FAM81A: variants seen among roughly 807,000 people sequenced by gnomAD.
The protein encoded by FAM81A is protein FAM81A.
A neutral mutation model predicts 46.7 loss-of-function variants in FAM81A; 19 were observed. The observed-to-expected ratio is 0.41, with a 90% confidence interval of 0.28 to 0.60. FAM81A has a LOEUF of 0.60. Ranked by LOEUF, FAM81A falls within the 20% of genes least tolerant of loss-of-function variation. The pLI, the probability that FAM81A is intolerant of heterozygous loss-of-function variation, is 0.34. For missense variants in FAM81A, 377 were observed against 453.5 expected, an observed-to-expected ratio of 0.83 and a Z score of 1.53; for synonymous variants, 183 against 152.9, an observed-to-expected ratio of 1.20 and a Z score of -1.45.
chr15:59,458,410 T>C (rs1378700636), intron 1 of FAM81A, 140 bp from the exon 2 acceptor site: 10 of 605,726 alleles, frequency 1.7e-5, no homozygotes, highest in Non-Finnish European at 2.8e-5. Context: ...ATTTCATGTA[T>C]AAGATACAAA....
At chr15:59,515,743 C>G (rs2082259873) in intron 7 of FAM81A, among the ~76,000 whole-genome samples, 1 of 152,140 alleles carries the variant, frequency 6.6e-6, no homozygotes. Flanking sequence ...TACATTTGTA[C>G]TAATAATTCT....
intron 3 of FAM81A, among the ~76,000 whole-genome samples, chr15:59,486,251 T>G (rs2081915801): frequency 6.6e-6 from 1 of 151,928 alleles, no homozygotes. Context: ...AAAATGCTAG[T>G]GACATACTGA....
chr15:59,443,660 G>C (rs2081324775), intron 1 of FAM81A, among the ~76,000 whole-genome samples: 1 of 152,154 alleles, frequency 6.6e-6, no homozygotes, highest in South Asian at 2.1e-4. Context: ...TCTGTAACCA[G>C]AGCTTGAACA....
chr15:59,472,204 G>A (rs2081702738), intron 3 of FAM81A, among the ~76,000 whole-genome samples: 3 of 152,008 alleles, frequency 2.0e-5, no homozygotes, highest in Non-Finnish European at 2.9e-5. Context: ...GGCTGGGCGC[G>A]GTGGCTCATA....
intron 1 of FAM81A, among the ~76,000 whole-genome samples, chr15:59,455,131 G>GCTCAAGCCATCCACTTAC (rs1357669802): frequency 1.3e-5 from 2 of 151,134 alleles, no homozygotes; most frequent in Non-Finnish European, 2.9e-5. Context: ...AAACTCCTGA[G>GCTCAAGCCATCCACTTAC]CTCAAGCCAT....
intron 3 of FAM81A, among the ~76,000 whole-genome samples, chr15:59,483,258 C>G (rs1017440957): frequency 1.3e-5 from 2 of 151,980 alleles, no homozygotes; most frequent in Non-Finnish European, 2.9e-5. Context: ...AGGCTGGTCT[C>G]GAACTCCTGA....
At chr15:59,441,248 C>A (rs1281819074) in intron 1 of FAM81A, among the ~76,000 whole-genome samples, 1 of 152,222 alleles carries the variant, frequency 6.6e-6, no homozygotes, top group Admixed American at 6.5e-5. Context: ...CCAACCCTTA[C>A]TCCACCATAT....
intron 1 of FAM81A, among the ~76,000 whole-genome samples, chr15:59,454,406 A>G (rs2141624207): frequency 6.6e-6 from 1 of 152,306 alleles, no homozygotes; most frequent in East Asian, 1.9e-4. Flanking sequence ...CACATCACTT[A>G]TAAAACTATA....
At chr15:59,469,897 G>C (rs1175026864) in intron 3 of FAM81A, among the ~76,000 whole-genome samples, 1 of 152,130 alleles carries the variant, frequency 6.6e-6, no homozygotes, top group Non-Finnish European at 1.5e-5. Context: ...AGGAGCTCTT[G>C]TAAGGCAGAC....
chr15:59,488,697 C>G (rs1458990780), intron 3 of FAM81A, among the ~76,000 whole-genome samples: 2 of 152,186 alleles, frequency 1.3e-5, no homozygotes, highest in Non-Finnish European at 1.5e-5. Flanking sequence ...TAAATACTGG[C>G]CAGGTGCTGT....
At chr15:59,403,822 T>C (rs1380929672) in intron 2 of FAM81A, among the ~76,000 whole-genome samples, 1 of 152,178 alleles carries the variant, frequency 6.6e-6, no homozygotes, top group African/African-American at 2.4e-5. Context: ...ATAAACATTT[T>C]TTTTCAGTGT....
intron 3 of FAM81A, among the ~76,000 whole-genome samples, chr15:59,485,488 A>G (rs1399089278): frequency 2.0e-5 from 3 of 152,186 alleles, no homozygotes; most frequent in African/African-American, 7.2e-5. Context: ...ATCCAGAGAA[A>G]TCTTCTGGAT....
At chr15:59,421,729 G>GTCTGTCTGTCTA (rs199854304) in intron 2 of FAM81A, among the ~76,000 whole-genome samples, 83 of 128,970 alleles carry the variant, frequency 6.4e-4, no homozygotes, top group East Asian at 3.7e-3. Context: ...CTGTCTGTCT[G>GTCTGTCTGTCTA]TCTATCTATC....
intron 2 of FAM81A, among the ~76,000 whole-genome samples, chr15:59,431,642 G>A (rs1567041408): frequency 6.6e-6 from 1 of 151,966 alleles, no homozygotes; most frequent in African/African-American, 2.4e-5. Context: ...TGGGATTATG[G>A]GCACCTGCCA....
intron 2 of FAM81A, among the ~76,000 whole-genome samples, chr15:59,419,070 A>C (rs2081159381): frequency 6.6e-6 from 1 of 152,184 alleles, no homozygotes; most frequent in Non-Finnish European, 1.5e-5. Context: ...TTCTGGTTTT[A>C]AGTCACTGGT....
intron 2 of FAM81A, among the ~76,000 whole-genome samples, chr15:59,459,598 G>T (rs1318791918): frequency 6.6e-6 from 1 of 152,060 alleles, no homozygotes; most frequent in African/African-American, 2.4e-5. Context: ...AGAGAGGGAG[G>T]AGGAGGAGAG....
At chr15:59,471,215 T>C (rs1260213218) in intron 3 of FAM81A, among the ~76,000 whole-genome samples, 1 of 152,250 alleles carries the variant, frequency 6.6e-6, no homozygotes, top group African/African-American at 2.4e-5. Flanking sequence ...CTATTAGTTA[T>C]TGAAATATCC....
At chr15:59,454,390 C>G (rs1255348993) in intron 1 of FAM81A, among the ~76,000 whole-genome samples, 4 of 152,148 alleles carry the variant, frequency 2.6e-5, no homozygotes, top group African/African-American at 4.8e-5. Flanking sequence ...TTTTTCTACT[C>G]AGTGTCACAT....
At chr15:59,419,505 G>A (rs1192845332) in intron 2 of FAM81A, among the ~76,000 whole-genome samples, 2 of 152,152 alleles carry the variant, frequency 1.3e-5, no homozygotes, top group Non-Finnish European at 2.9e-5. Context: ...TACTTGAAGT[G>A]TGAACCACAT....
Sources: allele counts gnomAD v4.1 joint callset (sites outside exome capture counted in the v4.1 genomes callset), GRCh38; gene constraint gnomAD v4.1.1; transcripts MANE v1.5; gene names NCBI Gene and HGNC (gene_info 2026-07-23, HGNC 2026-07-21).